Variants in LRP1B observed in about 807,000 individuals in gnomAD.
LRP1B encodes LDL receptor related protein 1B.
In LRP1B, 217 loss-of-function variants were observed where a neutral mutation model predicts 556.6. That is an observed-to-expected ratio of 0.39 (90% CI 0.35 to 0.44). LRP1B has a LOEUF of 0.44. Ranked by LOEUF, LRP1B falls within the 20% of genes least tolerant of loss-of-function variation. The pLI is 1.00. For synonymous variants in LRP1B, 2,047 were observed against 1,865.8 expected, an observed-to-expected ratio of 1.10 and a Z score of -2.50; for missense variants, 5,053 against 5,620.8, an observed-to-expected ratio of 0.90 and a Z score of 3.23.
intron 84 of LRP1B, among the ~76,000 whole-genome samples, chr2:140,285,591 TAAAC>T (rs1182390199): frequency 2.0e-5 from 3 of 151,704 alleles, no homozygotes; most frequent in Non-Finnish European, 3.0e-5. Context: ...CAGATATGTA[TAAAC>T]AAACAATTTA....
At chr2:141,325,662 A>T (rs933356338) in intron 3 of LRP1B, among the ~76,000 whole-genome samples, 1 of 152,148 alleles carries the variant, frequency 6.6e-6, no homozygotes, top group African/African-American at 2.4e-5. Flanking sequence ...AAAGGGAGAA[A>T]ATAGGCATAG....
chr2:142,021,539 G>T lies in LRP1B; in HGVS notation c.82+109109C>A, dbSNP rs192305618. ...TTTGTGAATATCACAGAAGAAAAAT[G>T]ATCTCCATAAGGAAAATAAATTCAA... On this transcript the variant is annotated intron_variant, in intron 1 of 90. Transcript: ENST00000389484. Among the ~76,000 whole-genome samples the T allele has an allele frequency of 1.3e-3, 201 of 152,194 alleles. 2 individuals are homozygous for T. The highest frequency in any genetic ancestry group is 4.7e-3 in the African/African-American group (194 of 41,546).
chr2:140,405,316 A>G (rs1009794059), intron 66 of LRP1B, among the ~76,000 whole-genome samples: 1 of 152,216 alleles, frequency 6.6e-6, no homozygotes, highest in Non-Finnish European at 1.5e-5. Context: ...CTAGAGAAAC[A>G]GGCACTAACT....
intron 2 of LRP1B, among the ~76,000 whole-genome samples, chr2:141,630,336 C>T (rs1282971606): frequency 6.6e-6 from 1 of 152,176 alleles, no homozygotes; most frequent in East Asian, 1.9e-4. Context: ...CAGGAAATCT[C>T]TTAAGCAAAG....
chr2:141,128,754 G>A (rs1022810340), intron 7 of LRP1B, among the ~76,000 whole-genome samples: 1 of 152,090 alleles, frequency 6.6e-6, no homozygotes, highest in Non-Finnish European at 1.5e-5. Context: ...CCGAGTAGCT[G>A]GGATTACAGG....
At chr2:141,672,701 C>T (rs1339205802) in intron 2 of LRP1B, among the ~76,000 whole-genome samples, 3 of 152,182 alleles carry the variant, frequency 2.0e-5, no homozygotes, top group Non-Finnish European at 4.4e-5. Context: ...AAAAACAACA[C>T]ACATGATGCC....
At chr2:141,854,931 G>A (rs368223599) in intron 1 of LRP1B, among the ~76,000 whole-genome samples, 3 of 152,162 alleles carry the variant, frequency 2.0e-5, no homozygotes, top group African/African-American at 7.2e-5. Flanking sequence ...TGCTGGGGAA[G>A]ACAAACCTCT....
At chr2:141,682,678 G>T (rs886918884) in intron 2 of LRP1B, among the ~76,000 whole-genome samples, 4 of 151,988 alleles carry the variant, frequency 2.6e-5, no homozygotes, top group African/African-American at 9.7e-5. Flanking sequence ...ACCTACTTAG[G>T]CATTTGGGGA....
intron 57 of LRP1B, among the ~76,000 whole-genome samples, chr2:140,488,438 T>A (rs1688566937): frequency 6.6e-6 from 1 of 151,986 alleles, no homozygotes; most frequent in Non-Finnish European, 1.5e-5. Flanking sequence ...GGTTATGCAT[T>A]TTTTAGCAGG....
intron 7 of LRP1B, among the ~76,000 whole-genome samples, chr2:141,099,897 A>G (rs1700416064): frequency 6.6e-6 from 1 of 152,152 alleles, no homozygotes; most frequent in South Asian, 2.1e-4. Flanking sequence ...TGAAACCTGA[A>G]TATTACATTG....
At chr2:140,920,658 T>G (rs1694712155) in intron 21 of LRP1B, among the ~76,000 whole-genome samples, 1 of 152,044 alleles carries the variant, frequency 6.6e-6, no homozygotes, top group Non-Finnish European at 1.5e-5. Context: ...AATGTGACTT[T>G]GTAATTGTGC....
chr2:140,911,780 T>C (rs557725102), intron 21 of LRP1B, among the ~76,000 whole-genome samples: 135 of 151,694 alleles, frequency 8.9e-4, no homozygotes, highest in African/African-American at 3.1e-3. Flanking sequence ...CTTCCTTTTT[T>C]TGTTTGTTTT....
intron 2 of LRP1B, among the ~76,000 whole-genome samples, chr2:141,524,492 G>GGCCCAGGACAGCTCTTGAATGCA (rs1684629900): frequency 6.6e-6 from 1 of 151,976 alleles, no homozygotes; most frequent in African/African-American, 2.4e-5. Context: ...GGCCACATGC[G>GGCCCAGGACAGCTCTTGAATGCA]GCCCAGGACA....
At chr2:140,817,496 T>C (rs1691164665) in intron 31 of LRP1B, among the ~76,000 whole-genome samples, 1 of 151,876 alleles carries the variant, frequency 6.6e-6, no homozygotes, top group African/African-American at 2.4e-5. Context: ...TTGAACATTT[T>C]GATTTAAATA....
At chr2:141,125,841 A>G (rs1701188881) in intron 7 of LRP1B, among the ~76,000 whole-genome samples, 1 of 101,934 alleles carries the variant, frequency 9.8e-6, no homozygotes, top group African/African-American at 3.6e-5. Context: ...CTCCTTTCAA[A>G]TGCAAAAAAA....
At chr2:140,282,912 A>C (rs1289543226) in intron 84 of LRP1B, among the ~76,000 whole-genome samples, 2 of 151,870 alleles carry the variant, frequency 1.3e-5, no homozygotes, top group African/African-American at 4.8e-5. Flanking sequence ...CACTCTAAGC[A>C]AATAAGAAAC....
At chr2:142,008,690 AT>A (rs368859994) in intron 1 of LRP1B, among the ~76,000 whole-genome samples, 62 of 149,296 alleles carry the variant, frequency 4.2e-4, no homozygotes, top group Non-Finnish European at 4.6e-4. Context: ...TTACTGCATG[AT>A]TTTTTTTTTC....
chr2:140,924,341 C>T (rs1187958967), intron 20 of LRP1B, among the ~76,000 whole-genome samples: 1 of 151,930 alleles, frequency 6.6e-6, no homozygotes, highest in Non-Finnish European at 1.5e-5. Context: ...AATTAGATAT[C>T]TATAAAGGAT....
chr2:140,939,425 C>A lies in LRP1B; in HGVS notation c.3136+10810G>T, dbSNP rs576049651. ...GAGTATGTATATTAATCATATTACA[C>A]AATTAGTTGCCTAATGGATTTGGAA... is the stretch of plus-strand genomic sequence containing the variant. On this transcript the variant is annotated intron_variant, in intron 20 of 90. Transcript: ENST00000389484. 2.7e-5 allele frequency among the ~76,000 whole-genome samples: 4 copies of A among 149,952 alleles called. No individual in the cohort carries two copies. The South Asian group carries it at 6.3e-4, about 24-fold the overall frequency.
Sources: allele counts gnomAD v4.1 joint callset (sites outside exome capture counted in the v4.1 genomes callset), GRCh38; gene constraint gnomAD v4.1.1; transcripts MANE v1.5; gene names NCBI Gene and HGNC (gene_info 2026-07-23, HGNC 2026-07-21).